CCDC30: variants seen among roughly 807,000 people sequenced by gnomAD.
CCDC30 encodes the protein coiled-coil domain containing 30.
In CCDC30, 70 loss-of-function variants were observed where a neutral mutation model predicts 100.2. The observed-to-expected ratio is 0.70, with a 90% CI of 0.58 to 0.85. The LOEUF (loss-of-function observed/expected upper bound fraction) is 0.85, where lower values mean the gene tolerates loss of function less well. CCDC30 is among the 40% of genes least tolerant of loss of function. The pLI, the probability that CCDC30 is intolerant of heterozygous loss-of-function variation, is 0.00. For missense variants in CCDC30, 652 were observed against 771.2 expected (o/e 0.85, Z 1.83); for synonymous variants, 233 against 269.5 (o/e 0.86, Z 1.33).
intron 6 of CCDC30, among the ~76,000 whole-genome samples, chr1:42,517,777 T>A (rs534992693): frequency 6.6e-6 from 1 of 152,214 alleles, no homozygotes; most frequent in Non-Finnish European, 1.5e-5. Flanking sequence ...ATATGCAAGA[T>A]CAAATATGCG....
intron 6 of CCDC30, among the ~76,000 whole-genome samples, chr1:42,555,226 G>A (rs1290459327): frequency 2.0e-5 from 3 of 152,036 alleles, no homozygotes; most frequent in Admixed American, 6.5e-5. Context: ...CTTTTGCTTC[G>A]GGGTTTTACA....
At chr1:42,628,218 C>G (rs1310377170) in intron 11 of CCDC30, among the ~76,000 whole-genome samples, 1 of 152,034 alleles carries the variant, frequency 6.6e-6, no homozygotes, top group East Asian at 1.9e-4. Flanking sequence ...TTGCCTGGGC[C>G]CTGTAACCCC....
chr1:42,606,846 C>A (rs1254572018), intron 10 of CCDC30, among the ~76,000 whole-genome samples: 1 of 152,186 alleles, frequency 6.6e-6, no homozygotes, highest in Non-Finnish European at 1.5e-5. Context: ...GGTTTCTCAA[C>A]ATTTCAAGAT....
rs1054198312 is a variant in CCDC30 at position 42,634,475 on chromosome 1, A to G, written c.1278-2762A>G. Among the ~76,000 whole-genome samples the G allele has an allele frequency of 5.9e-5, 9 of 152,282 alleles. No individual in the cohort carries two copies. The South Asian group carries it at 8.3e-4, about 14-fold the overall frequency. On this transcript the variant is annotated intron_variant, in intron 11 of 16. Transcript: ENST00000668663. Reference sequence around the variant, plus strand: ...ATGTGAACAATGCAGAGGTTTGTTTAGAGTTATTTGGTGTAATCACATCTA... The same window carrying G: ...ATGTGAACAATGCAGAGGTTTGTTTGGAGTTATTTGGTGTAATCACATCTA...
chr1:42,562,966 G>A (rs984704143), intron 6 of CCDC30, among the ~76,000 whole-genome samples: 2 of 152,218 alleles, frequency 1.3e-5, no homozygotes, highest in African/African-American at 2.4e-5. Context: ...AGATGCTGAC[G>A]AGGCTGTGGA....
At chr1:42,474,449 A>T (rs12022010) in intron 1 of CCDC30, among the ~76,000 whole-genome samples, 36,700 of 152,122 alleles carry the variant, frequency 0.24, 4,790 homozygotes, top group South Asian at 0.42. Context: ...AGAAATGGAT[A>T]TTGTTCCTGC....
chr1:42,621,236 A>C (rs1305883866), intron 11 of CCDC30, among the ~76,000 whole-genome samples: 1 of 152,224 alleles, frequency 6.6e-6, no homozygotes, highest in Non-Finnish European at 1.5e-5. Context: ...AGTAATAATC[A>C]CATCGTGGAG....
intron 6 of CCDC30, among the ~76,000 whole-genome samples, chr1:42,520,034 AT>A (rs1644613081): frequency 1.3e-5 from 2 of 152,020 alleles, no homozygotes; most frequent in Admixed American, 1.3e-4. Context: ...AGATTTGTCA[AT>A]TTTGTTGATC....
chr1:42,497,234 A>G, intron 5 of CCDC30, 21 bp downstream of exon 5: 1 of 1,180,050 alleles, frequency 8.5e-7, no homozygotes, highest in Non-Finnish European at 1.1e-6. Flanking sequence ...TTTACTTCTT[A>G]GAACGTATTT....
rs142345436 is a variant in CCDC30 at position 42,545,664 on chromosome 1, C to T, written c.457-20632C>T. The T allele has an allele frequency of 6.3e-4, 792 of 1,255,112 alleles. 4 individuals carry two copies. In the African/African-American group the frequency reaches 0.011, roughly 17 times the overall value. 77.7% of individuals were successfully genotyped at this position (1,255,112 alleles called of 1,614,324 possible). On this transcript the variant is annotated intron_variant, in intron 6 of 16. Coordinates refer to ENST00000668663, the Ensembl canonical transcript of CCDC30. The stretch of plus-strand genomic sequence containing the variant: ...TTGATCATTATAAGAATTTGACATT[C>T]GGCTGGGTGCAGTGGCTTAAGTCTG...
At chr1:42,469,139 G>A (rs1643683611) in intron 1 of CCDC30, among the ~76,000 whole-genome samples, 2 of 152,298 alleles carry the variant, frequency 1.3e-5, no homozygotes, top group Middle Eastern at 3.4e-3. Flanking sequence ...AGCACTTTGA[G>A]AGGCTGAAAT....
chr1:42,549,571 C>T (rs1250455005), intron 6 of CCDC30, among the ~76,000 whole-genome samples: 1 of 152,058 alleles, frequency 6.6e-6, no homozygotes, highest in Non-Finnish European at 1.5e-5. Flanking sequence ...CACAGTCTCT[C>T]TATATGTATA....
At chr1:42,566,248 A>G (rs1329052365) in intron 6 of CCDC30, 48 bp from the exon 11 acceptor site, 6 of 1,444,752 alleles carry the variant, frequency 4.2e-6, no homozygotes, top group Non-Finnish European at 5.8e-6. Flanking sequence ...TGTTTTACCA[A>G]TATTCTTTCC....
the CCDC30 span, chr1:42,457,375 A>T: frequency 6.3e-7 from 1 of 1,584,024 alleles, no homozygotes; most frequent in Admixed American, 1.7e-5. Context: ...TCTTCCAGAG[A>T]TCTAATCCCA....
chr1:42,476,957 G>A (rs1643890336), intron 1 of CCDC30, among the ~76,000 whole-genome samples: 1 of 144,960 alleles, frequency 6.9e-6, no homozygotes, highest in South Asian at 2.1e-4. Context: ...TTACTGTACT[G>A]TACCCTCATT....
intron 12 of CCDC30, among the ~76,000 whole-genome samples, chr1:42,642,210 G>A (rs886156929): frequency 4.6e-5 from 7 of 151,034 alleles, no homozygotes; most frequent in East Asian, 1.9e-4. Context: ...TGGGTGACAG[G>A]GCAAGTTCTG....
intron 12 of CCDC30, among the ~76,000 whole-genome samples, chr1:42,642,267 C>A (rs1244733680): frequency 4.6e-5 from 7 of 150,692 alleles, no homozygotes; most frequent in African/African-American, 1.7e-4. Context: ...ATATATATGA[C>A]ATGACATAAA....
chr1:42,547,368 TGAA>T (rs1329107900), intron 6 of CCDC30, among the ~76,000 whole-genome samples: 1 of 152,210 alleles, frequency 6.6e-6, no homozygotes, highest in Non-Finnish European at 1.5e-5. Context: ...GAGTGATAGA[TGAA>T]GAGATGGTTG....
chr1:42,508,458 T>C (rs1014587638), intron 6 of CCDC30, among the ~76,000 whole-genome samples: 1 of 152,182 alleles, frequency 6.6e-6, no homozygotes, highest in Non-Finnish European at 1.5e-5. Flanking sequence ...TAAGTATCCC[T>C]CCATAACTTC....
Sources: gnomAD v4.1 joint callset for allele counts (sites outside exome capture counted in the v4.1 genomes callset) on GRCh38, gnomAD v4.1.1 for gene constraint, MANE v1.5 for transcripts, NCBI Gene and HGNC (gene_info 2026-07-23, HGNC 2026-07-21) for gene names.